JPT2: variants seen among roughly 807,000 people sequenced by gnomAD.
JPT2 encodes the protein Jupiter microtubule associated homolog 2, also known as CRAMP_1 like.
In JPT2, 9 loss-of-function variants were observed where a neutral mutation model predicts 15.9. That is an observed-to-expected ratio of 0.57 (90% CI 0.34 to 0.99). The LOEUF (loss-of-function observed/expected upper bound fraction) is 0.99. Ranked by LOEUF, JPT2 falls within the 50% of genes least tolerant of loss-of-function variation. The pLI is 0.02. For synonymous variants in JPT2, 95 were observed against 91.7 expected (o/e 1.04, Z -0.21); for missense variants, 267 against 252.1 (o/e 1.06, Z -0.40).
intron 2 of JPT2, chr16:1,688,921 G>A (rs1474728193): frequency 6.6e-6 from 1 of 152,178 alleles, no homozygotes; most frequent in Non-Finnish European, 1.5e-5. Flanking sequence ...AAAAGCAGAG[G>A]TACATTGTTT....
At chr16:1,678,451 G>A (rs2036991271) in intron 1 of JPT2, 95 bp downstream of exon 1, 1 of 1,102,482 alleles carries the variant, frequency 9.1e-7, no homozygotes, top group Non-Finnish European at 1.1e-6. Context: ...TGGGGTTGGG[G>A]TGGGGTTGGG....
rs74752942 is a variant in JPT2 at position 1,683,725 on chromosome 16, A to G, written c.45-1714A>G. 3,168 of 648,792 alleles carry G rather than the reference A, an allele frequency of 4.9e-3. 55 individuals carry two copies. Among genetic ancestry groups the G allele is most frequent in the South Asian group, 0.028 (1,570 of 55,284 alleles). The allele number at this position is 648,792 out of a possible 1,614,324, so 40.2% of individuals were successfully genotyped here. A position where few individuals can be genotyped will look rare whatever the true frequency, so the allele number is the denominator to read the frequency against. Reference sequence around the variant, plus strand: ...AGAACTCCATTCACATCCAGTCACAAGGAGCCCTCAGCGCTCTTTCTAGAT... The same window carrying G: ...AGAACTCCATTCACATCCAGTCACAGGGAGCCCTCAGCGCTCTTTCTAGAT... On this transcript the variant is annotated intron_variant, in intron 1 of 4. Transcript: ENST00000248098.
chr16:1,685,622 T>G lies in JPT2; in HGVS notation c.193+35T>G, dbSNP rs142701046. ...TTTGGAAATCCTTAATCCTTTGGCCTCCACGATTCTCTTTTGAAAATATTT... is the reference window on the plus strand; with the variant it reads ...TTTGGAAATCCTTAATCCTTTGGCCGCCACGATTCTCTTTTGAAAATATTT... On this transcript the variant is annotated intron_variant, in intron 2 of 4. Transcript: ENST00000248098. 482 of 1,584,538 alleles carry G rather than the reference T, an allele frequency of 3.0e-4. 1 individual carries two copies. The African/African-American group carries it at 6.0e-3, about 20-fold the overall frequency.
chr16:1,688,818 A>AT (rs751887010), intron 2 of JPT2: 1 of 152,256 alleles, frequency 6.6e-6, no homozygotes, highest in Non-Finnish European at 1.5e-5. Flanking sequence ...TTATTAGTGA[A>AT]TTTAAGCATG....
chr16:1,680,924 C>T (rs1348173396), intron 1 of JPT2, among the ~76,000 whole-genome samples: 2 of 152,186 alleles, frequency 1.3e-5, no homozygotes, highest in Non-Finnish European at 2.9e-5. Flanking sequence ...GGTCACACAG[C>T]TTTTCCCTAC....
chr16:1,693,320 C>T (rs566836435), intron 3 of JPT2, among the ~76,000 whole-genome samples: 2 of 152,306 alleles, frequency 1.3e-5, no homozygotes, highest in East Asian at 3.9e-4. Flanking sequence ...TGGTCTTGAA[C>T]TCCTGTCCTC....
chr16:1,691,130 G>A (rs1396587422), intron 2 of JPT2, among the ~76,000 whole-genome samples: 4 of 152,232 alleles, frequency 2.6e-5, no homozygotes, highest in African/African-American at 9.6e-5. Flanking sequence ...GGTGTCTGCT[G>A]AGTGAAGAGA....
intron 1 of JPT2, among the ~76,000 whole-genome samples, chr16:1,684,835 C>T (rs925038070): frequency 6.6e-6 from 1 of 151,288 alleles, no homozygotes; most frequent in Non-Finnish European, 1.5e-5. Flanking sequence ...CACTTGAACC[C>T]AGGAGGCAGA....
At chr16:1,682,102 A>G (rs2037027612) in intron 1 of JPT2, among the ~76,000 whole-genome samples, 1 of 152,208 alleles carries the variant, frequency 6.6e-6, no homozygotes. Flanking sequence ...TTGGCTGGGC[A>G]CAGTGGCTCA....
At chr16:1,683,699 G>A in intron 1 of JPT2, 1 of 764,816 alleles carries the variant, frequency 1.3e-6, no homozygotes, top group Non-Finnish European at 2.2e-6. Context: ...CAGGAGATCT[G>A]AGAACTCCAT....
chr16:1,694,175 T>G (rs1298727384), intron 3 of JPT2, among the ~76,000 whole-genome samples: 1 of 152,192 alleles, frequency 6.6e-6, no homozygotes, highest in Non-Finnish European at 1.5e-5. Flanking sequence ...TTTATAAACT[T>G]GTACTGAAAT....
chr16:1,680,835 C>A (rs1330858537), intron 1 of JPT2, among the ~76,000 whole-genome samples: 1 of 152,174 alleles, frequency 6.6e-6, no homozygotes, highest in East Asian at 1.9e-4. Context: ...CTCTCTAAGC[C>A]TGACCAGTCC....
intron 1 of JPT2, among the ~76,000 whole-genome samples, chr16:1,679,708 A>T (rs1385566773): frequency 6.7e-6 from 1 of 149,740 alleles, no homozygotes; most frequent in Non-Finnish European, 1.5e-5. Context: ...AAAAAAAAAA[A>T]AACCCTTTAG....
At chr16:1,688,070 C>T (rs963714993) in intron 2 of JPT2, among the ~76,000 whole-genome samples, 1 of 152,248 alleles carries the variant, frequency 6.6e-6, no homozygotes, top group Non-Finnish European at 1.5e-5. Context: ...TGTTCTTCCT[C>T]TTCTAGCAAT....
At position 1,700,564 on chromosome 16, in the gene JPT2, C is replaced by T. The variant is rs1741104913; in HGVS notation, c.*1566C>T. The stretch of plus-strand genomic sequence containing the variant: ...GCCTGCCAAGCTCCCCTTCCTACAC[C>T]TGGCACACTGGGGTCTGCACAAGGC... On this transcript the variant is annotated 3_prime_UTR_variant, in exon 5 of 5. Transcript: ENST00000248098. 2 of 184,390 alleles carry T rather than the reference C, an allele frequency of 1.1e-5. No homozygotes were observed. The highest frequency in any genetic ancestry group is 2.4e-5 in the Non-Finnish European group (2 of 84,196). 11.4% of individuals were successfully genotyped at this position (184,390 alleles called of 1,614,324 possible).
rs1361109271 is a variant in JPT2, at chr16:1,692,068, A to C, written c.336+83A>C. The C allele has an allele frequency of 2.6e-6, 4 of 1,531,030 alleles. No individual in the cohort carries two copies. In the East Asian group the frequency reaches 6.8e-5, roughly 26 times the overall value. The allele number at this position is 1,531,030 out of a possible 1,614,324, so 94.8% of individuals were successfully genotyped here. On this transcript the variant is annotated intron_variant, in intron 3 of 4. Transcript: ENST00000248098. The stretch of plus-strand genomic sequence containing the variant: ...AAAAAGGCTCCAAGGCAGATGCGAC[A>C]TGTTTTTAGGGAGAATCATGGTGGG...
chr16:1,685,230 A>G (rs1489538013), intron 1 of JPT2, among the ~76,000 whole-genome samples: 1 of 152,056 alleles, frequency 6.6e-6, no homozygotes, highest in Non-Finnish European at 1.5e-5. Flanking sequence ...CAGGAGGCTG[A>G]GGTGGGAGGA....
In JPT2 at chr16:1,698,727, GAC is replaced by G. The variant is rs959550870; in HGVS notation, c.386-79_386-78del. The G allele has an allele frequency of 9.3e-5, 129 of 1,386,206 alleles. 1 individual carries two copies. The African/African-American group carries it at 1.5e-3, about 16-fold the overall frequency. 85.9% of individuals were successfully genotyped at this position (1,386,206 alleles called of 1,614,324 possible). Reference sequence around the variant, plus strand: ...ATGAATTTCTTGCAGGTTGCTCTATGACACACTTTTTATTTCCACAGCCTGCC... The same window carrying G: ...ATGAATTTCTTGCAGGTTGCTCTATGACACTTTTTATTTCCACAGCCTGCC... On this transcript the variant is annotated intron_variant, in intron 4 of 4. Transcript: ENST00000248098. This position sits in a 1 kb window ranked among gnomAD's most constrained non-coding sequence, Gnocchi z 4.9.
chr16:1,683,884 C>T (rs2037044356), intron 1 of JPT2, among the ~76,000 whole-genome samples: 1 of 152,144 alleles, frequency 6.6e-6, no homozygotes, highest in African/African-American at 2.4e-5. Context: ...GTATGGTCAT[C>T]CTTGGTATCC....
Sources: gnomAD v4.1 joint callset for allele counts (sites outside exome capture counted in the v4.1 genomes callset) on GRCh38, gnomAD v4.1.1 for gene constraint, Gnocchi (gnomAD v3.1) non-coding constraint, MANE v1.5 for transcripts, NCBI Gene and HGNC (gene_info 2026-07-23, HGNC 2026-07-21) for gene names.